The following LNX1 variants were observed in gnomAD, a reference collection of about 807,000 sequenced individuals.
LNX1 encodes the protein ligand of numb-protein X 1, also known as E3 ubiquitin-protein ligase LNX.
Under a neutral mutation model 68.4 loss-of-function variants are expected in LNX1, and 54 were observed. The ratio of observed to expected loss-of-function variants is 0.79; its 90% confidence interval spans 0.63 to 0.99. The LOEUF (loss-of-function observed/expected upper bound fraction) is 0.99, where lower values mean the gene tolerates loss of function less well. Ranked by LOEUF, LNX1 falls within the 50% of genes least tolerant of loss-of-function variation. The pLI, the probability that LNX1 is intolerant of heterozygous loss-of-function variation, is 0.00. For missense variants in LNX1, 906 were observed against 926.4 expected (o/e 0.98, Z 0.29); for synonymous variants, 336 against 350.0 (o/e 0.96, Z 0.45).
intron 9 of LNX1, among the ~76,000 whole-genome samples, chr4:53,465,424 TCACTAAA>T (rs1276671169): frequency 6.6e-6 from 1 of 152,192 alleles, no homozygotes; most frequent in Non-Finnish European, 1.5e-5. Context: ...TTTTGCCATA[TCACTAAA>T]CACATTATTT....
chr4:53,516,384 T>G (rs1726788065), intron 2 of LNX1, among the ~76,000 whole-genome samples: 1 of 152,168 alleles, frequency 6.6e-6, no homozygotes, highest in African/African-American at 2.4e-5. Context: ...CGACAATGTA[T>G]GCACTTGGTT....
At chr4:53,544,050 C>G (rs1204324933) in intron 2 of LNX1, among the ~76,000 whole-genome samples, 1 of 152,220 alleles carries the variant, frequency 6.6e-6, no homozygotes, top group African/African-American at 2.4e-5. Context: ...TAGTCTTCTT[C>G]ACCTTCACTG....
At chr4:53,512,955 C>T (rs1367419463) in intron 2 of LNX1, among the ~76,000 whole-genome samples, 3 of 152,098 alleles carry the variant, frequency 2.0e-5, no homozygotes, top group Non-Finnish European at 4.4e-5. Flanking sequence ...AATGTGTGCT[C>T]AGCCCCCAAC....
intron 1 of LNX1, among the ~76,000 whole-genome samples, chr4:53,577,320 C>T (rs1189894191): frequency 6.6e-6 from 1 of 152,132 alleles, no homozygotes; most frequent in Admixed American, 6.6e-5. Context: ...CCATATAGTC[C>T]CACATGCTAC....
At chr4:53,526,379 A>T (rs753591086) in intron 2 of LNX1, among the ~76,000 whole-genome samples, 1 of 152,178 alleles carries the variant, frequency 6.6e-6, no homozygotes, top group East Asian at 1.9e-4. Flanking sequence ...TGAATTACCA[A>T]CTGATCAAAC....
chr4:53,584,143 G>GT (rs1285906257), intron 1 of LNX1, among the ~76,000 whole-genome samples: 17 of 151,898 alleles, frequency 1.1e-4, no homozygotes, highest in South Asian at 4.2e-4. Context: ...TGTGTGTATG[G>GT]TTTTTTTTCT....
At chr4:53,562,720 T>C (rs1381223499) in intron 2 of LNX1, among the ~76,000 whole-genome samples, 2 of 152,172 alleles carry the variant, frequency 1.3e-5, no homozygotes, top group Non-Finnish European at 2.9e-5. Flanking sequence ...AACGAGGTGA[T>C]TATAGTTAAT....
At chr4:53,462,271 C>A (rs888594249) in intron 9 of LNX1, among the ~76,000 whole-genome samples, 13 of 152,048 alleles carry the variant, frequency 8.5e-5, no homozygotes, top group African/African-American at 3.1e-4. Context: ...AAATTAGAAT[C>A]CTCAACTAAA....
intron 1 of LNX1, among the ~76,000 whole-genome samples, chr4:53,637,741 A>C (rs1303645107): frequency 1.3e-5 from 2 of 152,190 alleles, no homozygotes; most frequent in African/African-American, 4.8e-5. Context: ...CCAGTTTCTG[A>C]GATATTAAAA....
Position 53,567,013 on chromosome 4 carries a change from C to A in LNX1, c.380+6610G>T, listed in dbSNP as rs1730745769. ...CATAAAGCAAGTCCTGAGTGACCTG[C>A]AAAGAGACTTAGACTCCCACACATT... is the stretch of plus-strand genomic sequence containing the variant. On this transcript the variant is annotated intron_variant, in intron 2 of 10. Transcript: ENST00000263925. Among the ~76,000 whole-genome samples, 6 of 151,484 alleles carry A rather than the reference C, an allele frequency of 4.0e-5. No individual in the cohort carries two copies. In the South Asian group the frequency reaches 1.3e-3, roughly 32 times the overall value.
At chr4:53,497,014 G>A (rs60708527) in intron 5 of LNX1, among the ~76,000 whole-genome samples, 15,368 of 152,178 alleles carry the variant, frequency 0.1, 1,261 homozygotes, top group South Asian at 0.3. Context: ...TCCCCTGCAA[G>A]GTTTTTTTGC....
intron 2 of LNX1, among the ~76,000 whole-genome samples, chr4:53,534,988 C>T (rs1178778895): frequency 1.3e-5 from 2 of 152,102 alleles, no homozygotes; most frequent in Non-Finnish European, 2.9e-5. Context: ...GTAGTGTTAA[C>T]CTGTTGAGAT....
At chr4:53,580,605 A>G (rs1731770771) in intron 1 of LNX1, among the ~76,000 whole-genome samples, 1 of 152,240 alleles carries the variant, frequency 6.6e-6, no homozygotes, top group Non-Finnish European at 1.5e-5. Context: ...GAGGAGGTAT[A>G]TATCTTACGA....
intron 2 of LNX1, among the ~76,000 whole-genome samples, chr4:53,606,931 C>G (rs1393284752): frequency 3.3e-5 from 5 of 152,102 alleles, no homozygotes; most frequent in African/African-American, 1.2e-4. Flanking sequence ...AAACCCTCAA[C>G]AAACTGGGCA....
chr4:53,639,360 T>C (rs868186635), intron 1 of LNX1, among the ~76,000 whole-genome samples: 6 of 152,012 alleles, frequency 3.9e-5, no homozygotes, highest in African/African-American at 7.3e-5. Flanking sequence ...GGGGTAAGGA[T>C]TGAAAAACTA....
intron 2 of LNX1, among the ~76,000 whole-genome samples, chr4:53,528,765 AC>A (rs2109608209): frequency 6.6e-6 from 1 of 152,228 alleles, no homozygotes; most frequent in East Asian, 1.9e-4. Context: ...GGGTAAGTTT[AC>A]CTACCCTGGC....
In LNX1 at chr4:53,597,619, C is replaced by T. The variant is rs115699873; in HGVS notation, c.-214-6104G>A. ...TGTCTTGAAAGTGAGCCAGAGCTTTCGTCTGTGGCTCCACACTCTGAGTCT... is the reference window on the plus strand; with the variant it reads ...TGTCTTGAAAGTGAGCCAGAGCTTTTGTCTGTGGCTCCACACTCTGAGTCT... On this transcript the variant is annotated intron_variant, in intron 2 of 3. Coordinates refer to the LNX1 transcript ENST00000504299. Among the ~76,000 whole-genome samples the T allele has an allele frequency of 7.5e-3, 1,149 of 152,278 alleles. 11 individuals carry two copies. Among genetic ancestry groups the T allele is most frequent in the African/African-American group, 0.026 (1,076 of 41,558 alleles).
intron 6 of LNX1, among the ~76,000 whole-genome samples, chr4:53,483,909 A>T (rs1318053530): frequency 6.6e-6 from 1 of 152,202 alleles, no homozygotes; most frequent in Non-Finnish European, 1.5e-5. Context: ...CAAAATTCAG[A>T]TGTTAAAATC....
At chr4:53,537,510 C>T (rs566568965) in intron 2 of LNX1, among the ~76,000 whole-genome samples, 5 of 152,232 alleles carry the variant, frequency 3.3e-5, no homozygotes. Context: ...TAGCAATACA[C>T]AGTGAGTAGT....
Sources: allele counts gnomAD v4.1 joint callset (sites outside exome capture counted in the v4.1 genomes callset), GRCh38; gene constraint gnomAD v4.1.1; transcripts MANE v1.5; gene names NCBI Gene and HGNC (gene_info 2026-07-23, HGNC 2026-07-21).